The following ACO2 variants were observed in gnomAD, a reference collection of about 807,000 sequenced individuals.
ACO2 encodes aconitate hydratase, mitochondrial.
ACO2 carries 31 observed loss-of-function variants against 84.5 expected under a neutral mutation model. That is an observed-to-expected ratio of 0.37 (90% CI 0.28 to 0.50). ACO2 has a LOEUF of 0.50. Ranked by LOEUF, ACO2 falls within the 20% of genes least tolerant of loss-of-function variation. The pLI, the probability that ACO2 is intolerant of heterozygous loss-of-function variation, is 0.97. For missense variants in ACO2, 685 were observed against 1,029.3 expected, an observed-to-expected ratio of 0.67 and a Z score of 4.58; for synonymous variants, 414 against 412.7, an observed-to-expected ratio of 1.00 and a Z score of -0.04.
intron 12 of ACO2, among the ~76,000 whole-genome samples, chr22:41,524,413 G>A (rs1393206815): frequency 1.3e-5 from 2 of 152,180 alleles, no homozygotes; most frequent in Non-Finnish European, 1.5e-5. Context: ...ACTGGCACAT[G>A]GCCAGGCTCT....
chr22:41,500,047 T>G (rs1601901706), intron 2 of ACO2, among the ~76,000 whole-genome samples, 185 bp downstream of exon 2: 1 of 152,186 alleles, frequency 6.6e-6, no homozygotes. Flanking sequence ...CTGTCCTCTC[T>G]GCCAAGGGAG....
chr22:41,507,424 T>G (rs1275359922), intron 2 of ACO2, among the ~76,000 whole-genome samples: 7 of 152,014 alleles, frequency 4.6e-5, no homozygotes, highest in Admixed American at 1.3e-4. Flanking sequence ...CTTTCTTGGT[T>G]GTTGTTGTTG....
chr22:41,523,940 A>C lies in ACO2; in HGVS notation c.1481A>C (p.Glu494Ala). 1 of 1,613,004 alleles carries C rather than the reference A, an allele frequency of 6.2e-7. No homozygotes were observed. Among genetic ancestry groups the C allele is most frequent in the Non-Finnish European group, 8.5e-7 (1 of 1,179,728 alleles). ...PETHAFVTSP[E>A]IVTALAIAGT... Reference sequence around the variant, plus strand: ...ACCCATGCCTTTGTCACGTCCCCAGAGGTGAGACTGCCCAGCTGCGCACAA... The same window carrying C: ...ACCCATGCCTTTGTCACGTCCCCAGCGGTGAGACTGCCCAGCTGCGCACAA... Residue 494 changes from glutamate (E) to alanine (A), a missense_variant and splice_region_variant, in exon 12 of 18, where the codon GAG (glutamate) becomes GCG (alanine). Physicochemically the swap from Glu to Ala is moderately radical, Grantham distance 107. Around this residue, in one of 5 missense-constraint regions of ACO2, gnomAD observed 311 missense variants for 441.6 expected, o/e 0.70. Transcript: ENST00000216254.
At chr22:41,497,521 G>A (rs1457332425) in intron 1 of ACO2, among the ~76,000 whole-genome samples, 2 of 151,712 alleles carry the variant, frequency 1.3e-5, no homozygotes, top group Non-Finnish European at 2.9e-5. Flanking sequence ...CGGGAGGATT[G>A]CTTGAGGCCA....
chr22:41,527,853 C>T (rs1426940978), intron 16 of ACO2, 48 bp from the exon 17 acceptor site: 1 of 1,613,828 alleles, frequency 6.2e-7, no homozygotes, highest in South Asian at 1.1e-5. Flanking sequence ...AAATGAAGCT[C>T]TCCAGGCTAG....
At chr22:41,513,559 G>T (rs184976421) in intron 4 of ACO2, among the ~76,000 whole-genome samples, 1 of 152,106 alleles carries the variant, frequency 6.6e-6, no homozygotes. Flanking sequence ...GGCCCTCCCC[G>T]TGCCTGGCAC....
chr22:41,475,085 C>G (rs1322514349), intron 1 of ACO2, among the ~76,000 whole-genome samples: 1 of 144,244 alleles, frequency 6.9e-6, no homozygotes, highest in Non-Finnish European at 1.5e-5. Flanking sequence ...CCTATCTGGT[C>G]TTATTGTGAA....
intron 8 of ACO2, among the ~76,000 whole-genome samples, chr22:41,519,477 T>C (rs895239309): frequency 2.0e-5 from 3 of 152,102 alleles, no homozygotes; most frequent in African/African-American, 4.8e-5. Context: ...GATTATGATA[T>C]GTAAAGCGTC....
At chr22:41,507,528 C>T (rs950982639) in intron 2 of ACO2, among the ~76,000 whole-genome samples, 2 of 152,208 alleles carry the variant, frequency 1.3e-5, no homozygotes, top group Non-Finnish European at 2.9e-5. Flanking sequence ...AGAACCAGCG[C>T]TGCCCTCTTG....
intron 1 of ACO2, among the ~76,000 whole-genome samples, chr22:41,491,862 G>A (rs182618917): frequency 6.6e-6 from 1 of 152,218 alleles, no homozygotes; most frequent in Non-Finnish European, 1.5e-5. Flanking sequence ...CAGTTAAGTG[G>A]TGGAGCTGGG....
intron 2 of ACO2, 46 bp downstream of exon 2, chr22:41,499,908 T>C (rs2066341940): frequency 6.2e-7 from 1 of 1,604,418 alleles, no homozygotes; most frequent in Middle Eastern, 1.7e-4. Context: ...GCATTGCGTC[T>C]GCTGCCTGCC....
rs2066405665 is a variant in ACO2, at chr22:41,507,866, G to C, written c.249G>C (p.Glu83Asp). Residue 83 changes from glutamate (E) to aspartate (D), a missense_variant, in exon 3 of 18, where the codon GAG (glutamate) becomes GAC (aspartate). Around this residue, in one of 5 missense-constraint regions of ACO2, gnomAD observed 98 missense variants for 107.6 expected, o/e 0.91. Coordinates refer to ENST00000216254, the MANE Select transcript of ACO2 (RefSeq NM_001098.3). ...ATGACCCCGCCAGCCAGGAAATTGA[G>C]CGAGGCAAGTCGTACCTGCGGCTGC... Reference protein sequence around the residue: ...HLDDPASQEIERGKSYLRLRP... With the variant: ...HLDDPASQEIDRGKSYLRLRP... 1.2e-6 allele frequency: 2 copies of C among 1,614,224 alleles called. No homozygotes were observed. Among genetic ancestry groups the C allele is most frequent in the Non-Finnish European group, 1.7e-6 (2 of 1,180,042 alleles).
In ACO2 at chr22:41,528,760, T is replaced by C; in HGVS notation, c.*147T>C. 1.7e-6 allele frequency: 2 copies of C among 1,168,822 alleles called. No homozygotes were observed. Among genetic ancestry groups the C allele is most frequent in the Non-Finnish European group, 2.3e-6 (2 of 859,494 alleles). The allele number at this position is 1,168,822 out of a possible 1,614,324, so 72.4% of individuals were successfully genotyped here. A position where few individuals can be genotyped will look rare whatever the true frequency, so the allele number is the denominator to read the frequency against. On this transcript the variant is annotated 3_prime_UTR_variant, in exon 18 of 18. Transcript: ENST00000216254. ...CTCCCCGCTTAGCCCACGGAGTGACTGTGGTTGTGGTGGGGGGGTTCTTAA... is the reference window on the plus strand; with the variant it reads ...CTCCCCGCTTAGCCCACGGAGTGACCGTGGTTGTGGTGGGGGGGTTCTTAA...
At chr22:41,505,877 A>G (rs892641700) in intron 2 of ACO2, among the ~76,000 whole-genome samples, 1 of 152,042 alleles carries the variant, frequency 6.6e-6, no homozygotes, top group Non-Finnish European at 1.5e-5. Context: ...CAAATTGTGT[A>G]CCTTAAATAT....
Position 41,520,258 on chromosome 22 carries a change from C to T in ACO2, c.1120C>T (p.Pro374Ser). The stretch of plus-strand genomic sequence containing the variant: ...CAAGGTGGCAGAGAAGGAAGGATGG[C>T]CTCTGGACATCCGAGTGGGTGAGCA... ...VGKVAEKEGW[P>S]LDIRVGLIGS... Residue 374 changes from proline to serine, a missense_variant, in exon 9 of 18, where the codon CCT (proline) becomes TCT (serine). Transcript: ENST00000216254. 2 of 1,614,000 alleles carry T rather than the reference C, an allele frequency of 1.2e-6. No individual in the cohort carries two copies. The highest frequency in any genetic ancestry group is 1.7e-6 in the Non-Finnish European group (2 of 1,179,894).
At chr22:41,526,647 T>C in intron 15 of ACO2, 194 bp downstream of exon 15, 1 of 533,022 alleles carries the variant, frequency 1.9e-6, no homozygotes, top group East Asian at 3.1e-5. Flanking sequence ...GGTCCGGTGG[T>C]ACAGCCGGGT....
chr22:41,522,718 C>T lies in ACO2; in HGVS notation c.1139-112C>T, dbSNP rs865924148. 12 of 1,272,732 alleles carry T rather than the reference C, an allele frequency of 9.4e-6. No individual in the cohort carries two copies. In the African/African-American group the frequency reaches 1.7e-4, roughly 18 times the overall value. The allele number at this position is 1,272,732 out of a possible 1,614,324, so 78.8% of individuals were successfully genotyped here. A position where few individuals can be genotyped will look rare whatever the true frequency, so the allele number is the denominator to read the frequency against. ...GGTCTCTGTTAAAAAAGTCTCTGGCCCAGCCCAGATGGTGAACTCTTTTGG... is the reference window on the plus strand; with the variant it reads ...GGTCTCTGTTAAAAAAGTCTCTGGCTCAGCCCAGATGGTGAACTCTTTTGG... On this transcript the variant is annotated intron_variant, in intron 9 of 17. Coordinates refer to ENST00000216254, the MANE Select transcript of ACO2 (RefSeq NM_001098.3).
chr22:41,526,198 G>A, intron 14 of ACO2, 64 bp from the exon 15 acceptor site: 1 of 1,496,312 alleles, frequency 6.7e-7, no homozygotes, highest in Non-Finnish European at 9.1e-7. Context: ...TGCCTCTGGA[G>A]GGCTTGTCAT....
intron 1 of ACO2, among the ~76,000 whole-genome samples, chr22:41,477,770 A>G (rs1479308587): frequency 1.3e-5 from 2 of 152,052 alleles, no homozygotes; most frequent in Non-Finnish European, 1.5e-5. Flanking sequence ...CATACGTTTA[A>G]AAAAGACCAG....
Sources: allele counts gnomAD v4.1 joint callset (sites outside exome capture counted in the v4.1 genomes callset), GRCh38; gene constraint gnomAD v4.1.1; regional missense constraint gnomAD v4.1.1; transcripts MANE v1.5; gene names NCBI Gene and HGNC (gene_info 2026-07-23, HGNC 2026-07-21).